Variants in NCOR1 observed in about 807,000 individuals in gnomAD.
The protein encoded by NCOR1 is nuclear receptor corepressor 1, also known as protein phosphatase 1, regulatory subunit 109.
A neutral mutation model predicts 288.1 loss-of-function variants in NCOR1; 63 were observed. That is an observed-to-expected ratio of 0.22 (90% confidence interval 0.18 to 0.27). The LOEUF is 0.27. Ranked by LOEUF, NCOR1 falls within the 10% of genes least tolerant of loss-of-function variation. The pLI is 1.00. For synonymous variants in NCOR1, 1,007 were observed against 1,065.9 expected (o/e 0.94, Z 1.08); for missense variants, 2,397 against 3,019.2 (o/e 0.79, Z 4.83).
rs553242165 is a variant in NCOR1 at position 16,050,260 on chromosome 17, T to G, written c.6393-1272A>C. Among the ~76,000 whole-genome samples the G allele has an allele frequency of 1.3e-3, 200 of 151,792 alleles. 1 individual carries two copies. Among genetic ancestry groups the G allele is most frequent in the African/African-American group, 4.6e-3 (190 of 41,336 alleles). ...TTTTTTAAGACAGAGTCTTGCTCTG[T>G]CACCCAGGCTGGAGTGCAGTAGCAC... On this transcript the variant is annotated intron_variant, in intron 40 of 45. Coordinates refer to ENST00000268712, the MANE Select transcript of NCOR1 (RefSeq NM_006311.4).
rs769394521 is a variant in NCOR1 at position 16,080,614 on chromosome 17, G to T, written c.3291C>A (p.Ala1097=). Residue 1097 remains alanine, a synonymous_variant, in exon 24 of 46, where the codon GCC becomes GCA. Transcript: ENST00000268712. Reference sequence around the variant, plus strand: ...CTGTATTAACTCACTGACCTGATTTGGCAGATTCCTGTTGCCGTGGCAGTC... The same window carrying T: ...CTGTATTAACTCACTGACCTGATTTTGCAGATTCCTGTTGCCGTGGCAGTC... The part of the protein sequence containing the change: ...SLGLPRQQES[A]KSATLPYIKQ... 3 of 1,614,068 alleles carry T rather than the reference G, an allele frequency of 1.9e-6. No homozygotes were observed. The South Asian group carries it at 3.3e-5, about 18-fold the overall frequency.
intron 44 of NCOR1, among the ~76,000 whole-genome samples, chr17:16,036,938 C>A (rs1047251753): frequency 2.0e-5 from 3 of 152,246 alleles, no homozygotes; most frequent in Non-Finnish European, 2.9e-5. Context: ...CTGTTTGGCA[C>A]ATGAGGTCTA....
At chr17:16,163,963 G>C (rs531732455) in intron 5 of NCOR1, among the ~76,000 whole-genome samples, 2 of 152,292 alleles carry the variant, frequency 1.3e-5, no homozygotes, top group South Asian at 4.2e-4. Context: ...ACAGAGAATA[G>C]ACTAGTGGCT....
chr17:16,040,057 T>G, intron 43 of NCOR1: 1 of 422,716 alleles, frequency 2.4e-6, no homozygotes, highest in South Asian at 1.8e-5. Flanking sequence ...CCCAAAGTGC[T>G]GGGATTACAG....
chr17:16,076,526 A>T (rs1296091755), intron 26 of NCOR1, among the ~76,000 whole-genome samples: 1 of 152,236 alleles, frequency 6.6e-6, no homozygotes, highest in African/African-American at 2.4e-5. Flanking sequence ...ACTCAACGTC[A>T]ACCATTCTAC....
At chr17:16,067,129 C>T (rs950488372) in intron 32 of NCOR1, among the ~76,000 whole-genome samples, 3 of 152,250 alleles carry the variant, frequency 2.0e-5, no homozygotes, top group African/African-American at 7.2e-5. Context: ...CTCCTCTCCC[C>T]TCCCTGTGTA....
At chr17:16,110,653 C>T (rs1156246742) in intron 18 of NCOR1, among the ~76,000 whole-genome samples, 1 of 152,202 alleles carries the variant, frequency 6.6e-6, no homozygotes. Flanking sequence ...CTACGTTTCA[C>T]CTCATATGAG....
In NCOR1 at chr17:16,059,049, C is replaced by CAA. The variant is rs57820388; in HGVS notation, c.5882-452_5882-451dup. ...GGGCAACAAGAGCGAAACTCCGTCT[C>CAA]AAAAAAAAAAAAAAAAAAAAAAAAA... On this transcript the variant is annotated intron_variant, in intron 37 of 45. Transcript: ENST00000268712. Among the ~76,000 whole-genome samples the CAA allele has an allele frequency of 4.5e-3, 78 of 17,440 alleles. 7 individuals are homozygous for CAA. Among genetic ancestry groups the CAA allele is most frequent in the Middle Eastern group, 0.045 (1 of 22 alleles). The allele number at this position is 17,440 out of a possible 152,430, so 11.4% of individuals were successfully genotyped here.
At chr17:16,143,561 C>T (rs777374160) in intron 11 of NCOR1, 45 bp downstream of exon 11, 2 of 1,476,078 alleles carry the variant, frequency 1.4e-6, no homozygotes, top group Non-Finnish European at 1.9e-6. Context: ...AGTTAAAATG[C>T]TTTAATAATT....
At chr17:16,182,835 T>G (rs993103693) in intron 3 of NCOR1, among the ~76,000 whole-genome samples, 1 of 151,400 alleles carries the variant, frequency 6.6e-6, no homozygotes, top group African/African-American at 2.4e-5. Flanking sequence ...TAGCAAAAAA[T>G]TTTTACTGGA....
intron 34 of NCOR1, 111 bp downstream of exon 34, chr17:16,064,759 A>T: frequency 2.7e-6 from 3 of 1,111,686 alleles, no homozygotes; most frequent in Non-Finnish European, 3.8e-6. Context: ...TGTTAAAAGA[A>T]AAACAAGAAA....
chr17:16,140,778 C>A (rs1379607504), intron 11 of NCOR1, among the ~76,000 whole-genome samples: 1 of 151,974 alleles, frequency 6.6e-6, no homozygotes, highest in Non-Finnish European at 1.5e-5. Context: ...CGTGCCACTG[C>A]ATTCCAGTCT....
chr17:16,106,854 CATATATATAT>C (rs1162344281), intron 19 of NCOR1, among the ~76,000 whole-genome samples: 74 of 46,146 alleles, frequency 1.6e-3, no homozygotes, highest in African/African-American at 7.5e-3. Context: ...CTTGATCAGA[CATATATATAT>C]ATATATATAT....
rs1480950986 is a variant in NCOR1, at chr17:16,057,507, A to T, written c.6392+7T>A. On this transcript the variant is annotated splice_region_variant and intron_variant, in intron 40 of 45. Coordinates refer to ENST00000268712, the MANE Select transcript of NCOR1 (RefSeq NM_006311.4). The stretch of plus-strand genomic sequence containing the variant: ...AATTTATATATAATTTGGAATAAAG[A>T]TCATACCTTCCCCTGGATTTGTCCA... 2 of 1,611,104 alleles carry T rather than the reference A, an allele frequency of 1.2e-6. No individual in the cohort carries two copies. The highest frequency in any genetic ancestry group is 3.3e-5 in the Admixed American group (2 of 60,010).
intron 4 of NCOR1, among the ~76,000 whole-genome samples, 159 bp downstream of exon 4, chr17:16,171,644 C>T (rs374902424): frequency 2.6e-5 from 4 of 152,172 alleles, no homozygotes; most frequent in East Asian, 3.8e-4. Context: ...GAGCACTCAT[C>T]TGTGGTTTCT....
chr17:16,133,217 C>T (rs1260018534), intron 14 of NCOR1, among the ~76,000 whole-genome samples: 4 of 152,194 alleles, frequency 2.6e-5, no homozygotes, highest in African/African-American at 9.7e-5. Context: ...GATCCACCCG[C>T]CCTGGACTCC....
chr17:16,039,795 C>A lies in NCOR1; in HGVS notation c.6734-141G>T, dbSNP rs377592761. 9.1e-5 allele frequency: 67 copies of A among 739,820 alleles called. No homozygotes were observed. The East Asian group carries it at 1.3e-3, about 14-fold the overall frequency. 45.8% of individuals were successfully genotyped at this position (739,820 alleles called of 1,614,324 possible). A position where few individuals can be genotyped will look rare whatever the true frequency, so the allele number is the denominator to read the frequency against. ...AATACCAGGACCCACCACACAGAGA[C>A]CTTTTTTTTTGGAGACAGAGTCTCT... On this transcript the variant is annotated intron_variant, in intron 43 of 45. Transcript: ENST00000268712.
intron 44 of NCOR1, among the ~76,000 whole-genome samples, chr17:16,037,786 T>A (rs2056721783): frequency 1.3e-5 from 2 of 152,222 alleles, no homozygotes; most frequent in African/African-American, 4.8e-5. Flanking sequence ...CCAGACTGTG[T>A]AGCTGATGAA....
intron 3 of NCOR1, among the ~76,000 whole-genome samples, chr17:16,175,368 G>A (rs1392502885): frequency 6.6e-6 from 1 of 150,584 alleles, no homozygotes. Flanking sequence ...AGACTCATTT[G>A]TCTTTTAAAA....
Sources: gnomAD v4.1 joint callset for allele counts (sites outside exome capture counted in the v4.1 genomes callset) on GRCh38, gnomAD v4.1.1 for gene constraint, MANE v1.5 for transcripts, NCBI Gene and HGNC (gene_info 2026-07-23, HGNC 2026-07-21) for gene names.